The following RAD50 variants were observed in gnomAD, a reference collection of about 807,000 sequenced individuals.
RAD50 encodes DNA repair protein RAD50.
In RAD50, 132 loss-of-function variants were observed where a neutral mutation model predicts 168.8. That is an observed-to-expected ratio of 0.78 (90% CI 0.68 to 0.90). The LOEUF (loss-of-function observed/expected upper bound fraction) is 0.90, where lower values mean the gene tolerates loss of function less well. Ranked by LOEUF, RAD50 falls within the 40% of genes least tolerant of loss-of-function variation. RAD50 has a pLI of 0.00. For missense variants in RAD50, 1,347 were observed against 1,534.4 expected, an observed-to-expected ratio of 0.88 and a Z score of 2.04; for synonymous variants, 525 against 497.4, an observed-to-expected ratio of 1.06 and a Z score of -0.74.
intron 14 of RAD50, 74 bp from the exon 15 acceptor site, chr5:132,603,846 G>C: frequency 7.7e-7 from 1 of 1,300,032 alleles, no homozygotes. Flanking sequence ...TAAATGATAA[G>C]AGCAATTAAT....
intron 2 of RAD50, among the ~76,000 whole-genome samples, chr5:132,570,216 G>C (rs1750277378): frequency 6.6e-6 from 1 of 152,158 alleles, no homozygotes; most frequent in African/African-American, 2.4e-5. Context: ...ACAGCCTGGT[G>C]GGGGATTGGA....
intron 21 of RAD50, among the ~76,000 whole-genome samples, chr5:132,618,784 A>G (rs1319394898): frequency 4.6e-5 from 7 of 152,346 alleles, no homozygotes; most frequent in Admixed American, 3.3e-4. Flanking sequence ...AAGTTAAGAT[A>G]TAAAGCATAT....
rs181051197 is a variant in RAD50 at position 132,556,996 on chromosome 5, C to G, written c.-329C>G. 4 of 827,190 alleles carry G rather than the reference C, an allele frequency of 4.8e-6. No homozygotes were observed. The highest frequency in any genetic ancestry group is 1.7e-5 in the African/African-American group (1 of 58,234). 51.2% of individuals were successfully genotyped at this position (827,190 alleles called of 1,614,324 possible). On this transcript the variant is annotated 5_prime_UTR_variant, in exon 1 of 25. Transcript: ENST00000378823. ...AGGCCCACGTGATCCGCAGGGCGGCCGAGGCAGGAAGCTGTGAGTGCGCGG... is the reference window on the plus strand; with the variant it reads ...AGGCCCACGTGATCCGCAGGGCGGCGGAGGCAGGAAGCTGTGAGTGCGCGG...
At position 132,559,377 on chromosome 5, in the gene RAD50, C is replaced by G; in HGVS notation, c.213+10C>G. 6.3e-7 allele frequency: 1 copy of G among 1,599,794 alleles called. No homozygotes were observed. The highest frequency in any genetic ancestry group is 8.5e-7 in the Non-Finnish European group (1 of 1,172,936). ...TGTACACGATCCCAAGGTAATGGTGCTAGTACAATTTTGTATTTTTATAAT... is the reference window on the plus strand; with the variant it reads ...TGTACACGATCCCAAGGTAATGGTGGTAGTACAATTTTGTATTTTTATAAT... On this transcript the variant is annotated intron_variant, in intron 2 of 24. Coordinates refer to ENST00000378823, the MANE Select transcript of RAD50 (RefSeq NM_005732.4).
At position 132,588,044 on chromosome 5, in the gene RAD50, T is replaced by A. The variant is rs876659375; in HGVS notation, c.1006T>A (p.Ser336Thr). The A allele has an allele frequency of 1.2e-6, 2 of 1,612,658 alleles. No homozygotes were observed. Among genetic ancestry groups the A allele is most frequent in the Non-Finnish European group, 1.7e-6 (2 of 1,178,842 alleles). ...TGAACTGGAAAAACTAAATAAAGAATCTAGGCTTCTCAATCAGGAAAAATC... is the reference window on the plus strand; with the variant it reads ...TGAACTGGAAAAACTAAATAAAGAAACTAGGCTTCTCAATCAGGAAAAATC... The part of the protein sequence containing the change: ...HRELEKLNKE[S>T]RLLNQEKSEL... The change falls in exon 7 of 25, where the codon TCT becomes ACT. Residue 336 changes from serine (S) to threonine (T), a missense_variant. Physicochemically the swap from Ser to Thr is moderately conservative, Grantham distance 58. Coordinates refer to ENST00000378823, the MANE Select transcript of RAD50 (RefSeq NM_005732.4).
chr5:132,597,686 C>T (rs1750815121), intron 13 of RAD50, among the ~76,000 whole-genome samples: 1 of 152,136 alleles, frequency 6.6e-6, no homozygotes, highest in Admixed American at 6.6e-5. Context: ...CATGCGAGAC[C>T]CTGAGTCAGA....
At chr5:132,617,907 T>A (rs1751204831) in intron 20 of RAD50, among the ~76,000 whole-genome samples, 163 bp from the exon 21 acceptor site, 1 of 152,198 alleles carries the variant, frequency 6.6e-6, no homozygotes, top group Admixed American at 6.5e-5. Context: ...GGGTTTTCTT[T>A]AGTACCAAAG....
chr5:132,557,635 T>TCC (rs1228349439), intron 1 of RAD50, among the ~76,000 whole-genome samples, 182 bp downstream of exon 1: 10 of 152,138 alleles, frequency 6.6e-5, no homozygotes, highest in African/African-American at 2.4e-5. Context: ...CCTGAAGCAG[T>TCC]CTCGGAAGGA....
intron 21 of RAD50, among the ~76,000 whole-genome samples, chr5:132,622,397 G>A (rs950719181): frequency 2.0e-5 from 3 of 152,120 alleles, no homozygotes; most frequent in Admixed American, 6.6e-5. Context: ...GGCCTCAAGC[G>A]ATCCTCCTGC....
intron 19 of RAD50, among the ~76,000 whole-genome samples, chr5:132,611,539 A>G (rs1023651167): frequency 2.0e-5 from 3 of 150,652 alleles, no homozygotes; most frequent in African/African-American, 7.4e-5. Context: ...CCCCGTCTCT[A>G]CTAAAAAATA....
rs1428613113 is a variant in RAD50, at chr5:132,625,431, A to G, written c.3389+7137A>G. Reference sequence around the variant, plus strand: ...AGTTTTATTCTTATTTTTTATGGCTATATAGCCGGTATATTTATGTGGTAC... The same window carrying G: ...AGTTTTATTCTTATTTTTTATGGCTGTATAGCCGGTATATTTATGTGGTAC... On this transcript the variant is annotated intron_variant, in intron 21 of 24. Coordinates refer to ENST00000378823, the MANE Select transcript of RAD50 (RefSeq NM_005732.4). Among the ~76,000 whole-genome samples, 3 of 152,164 alleles carry G rather than the reference A, an allele frequency of 2.0e-5. No homozygotes were observed. In the East Asian group the frequency reaches 5.8e-4, roughly 29 times the overall value.
chr5:132,591,486 A>G, intron 10 of RAD50, 80 bp downstream of exon 10: 2 of 1,368,998 alleles, frequency 1.5e-6, no homozygotes, highest in South Asian at 1.2e-5. Context: ...CATAGACTAT[A>G]AGGTATTAAG....
At chr5:132,615,291 GAC>G (rs1376439918) in intron 19 of RAD50, among the ~76,000 whole-genome samples, 6 of 152,216 alleles carry the variant, frequency 3.9e-5, no homozygotes, top group Middle Eastern at 3.4e-3. Flanking sequence ...TCTTTTGAAG[GAC>G]AAAACTACTC....
In RAD50 at chr5:132,579,907, AG is replaced by A; in HGVS notation, c.599del (p.Gly200ValfsTer4). 1.9e-6 allele frequency: 3 copies of A among 1,612,962 alleles called. No individual in the cohort carries two copies. Among genetic ancestry groups the A allele is most frequent in the Non-Finnish European group, 1.7e-6 (2 of 1,179,018 alleles). On this transcript the variant is annotated frameshift_variant, in exon 5 of 25. Transcript: ENST00000378823. LOFTEE classifies it high-confidence loss of function. The part of the protein sequence containing the change: ...ETLRQVRQTQ[G>X]QKVKEYQMEL... ...CACTTCGGCAGGTACGTCAGACACA[AG>A]GTCAGAAAGTAAAAGAATATCAAAT... is the stretch of plus-strand genomic sequence containing the variant.
Position 132,609,182 on chromosome 5 carries a change from T to C in RAD50, c.2895T>C (p.Ile965=). The C allele has an allele frequency of 1.9e-6, 3 of 1,611,960 alleles. No homozygotes were observed. The highest frequency in any genetic ancestry group is 2.5e-6 in the Non-Finnish European group (3 of 1,178,990). ...ATATGAAAGACATTGAGAATTATATTCAAGATGGGAAAGACGACTATAAGA... is the reference window on the plus strand; with the variant it reads ...ATATGAAAGACATTGAGAATTATATCCAAGATGGGAAAGACGACTATAAGA... The part of the protein sequence containing the change: ...HGYMKDIENY[I]QDGKDDYKKQ... Residue 965 remains isoleucine, a synonymous_variant, in exon 18 of 25, where the codon ATT becomes ATC. Coordinates refer to ENST00000378823, the MANE Select transcript of RAD50 (RefSeq NM_005732.4).
intron 21 of RAD50, among the ~76,000 whole-genome samples, chr5:132,623,674 C>T (rs1751322960): frequency 6.6e-6 from 1 of 152,094 alleles, no homozygotes. Flanking sequence ...TCATTTGTGG[C>T]AGGAGAATTA....
rs1751808747 is a variant in RAD50 at position 132,644,510 on chromosome 5, AT to A, written c.*2150del. 1 of 180,294 alleles carries A rather than the reference AT, an allele frequency of 5.5e-6. No homozygotes were observed. Among genetic ancestry groups the A allele is most frequent in the Non-Finnish European group, 1.2e-5 (1 of 84,354 alleles). 11.2% of individuals were successfully genotyped at this position (180,294 alleles called of 1,614,324 possible). A position where few individuals can be genotyped will look rare whatever the true frequency, so the allele number is the denominator to read the frequency against. ...TGTAAAAGTGGGTAAAATGGTACAT[AT>A]TTTGTAGGGTTGTTATGAAGATTGA... is the stretch of plus-strand genomic sequence containing the variant. On this transcript the variant is annotated 3_prime_UTR_variant, in exon 25 of 25. Transcript: ENST00000378823.
At chr5:132,606,523 C>T (rs754653419) in intron 16 of RAD50, among the ~76,000 whole-genome samples, 10 of 152,122 alleles carry the variant, frequency 6.6e-5, no homozygotes, top group Non-Finnish European at 1.3e-4. Flanking sequence ...GATTCACAGC[C>T]GAATTCTACC....
intron 2 of RAD50, among the ~76,000 whole-genome samples, chr5:132,564,056 CA>C (rs1184106178): frequency 6.6e-6 from 1 of 152,142 alleles, no homozygotes; most frequent in Non-Finnish European, 1.5e-5. Context: ...TTTCTTTAAC[CA>C]GTTTCAGGTA....
Sources: gnomAD v4.1 joint callset for allele counts (sites outside exome capture counted in the v4.1 genomes callset) on GRCh38, gnomAD v4.1.1 for gene constraint, MANE v1.5 for transcripts, NCBI Gene and HGNC (gene_info 2026-07-23, HGNC 2026-07-21) for gene names.